The following IGSF21 variants were observed in gnomAD, a reference collection of about 807,000 sequenced individuals.
The protein encoded by IGSF21 is immunoglobin superfamily member 21.
A neutral mutation model predicts 46.8 loss-of-function variants in IGSF21; 28 were observed. That is an observed-to-expected ratio of 0.60 (90% CI 0.44 to 0.82). IGSF21 has a LOEUF of 0.82. Ranked by LOEUF, IGSF21 falls within the 40% of genes least tolerant of loss-of-function variation. The pLI, the probability that IGSF21 is intolerant of heterozygous loss-of-function variation, is 0.00. For missense variants in IGSF21, 624 were observed against 665.5 expected (o/e 0.94, Z 0.69); for synonymous variants, 284 against 273.6 (o/e 1.04, Z -0.38).
chr1:18,336,104 A>G (rs1449058690), intron 4 of IGSF21, among the ~76,000 whole-genome samples: 1 of 152,226 alleles, frequency 6.6e-6, no homozygotes, highest in Non-Finnish European at 1.5e-5. Context: ...TCATTTATGC[A>G]TCACAATGTA....
chr1:18,332,837 G>T (rs1164937112), intron 3 of IGSF21, among the ~76,000 whole-genome samples: 1 of 152,202 alleles, frequency 6.6e-6, no homozygotes, highest in Non-Finnish European at 1.5e-5. Flanking sequence ...TGGTGGGAGG[G>T]ATGGGCTGGC....
rs561264021 is a variant in IGSF21, at chr1:18,135,508, G to A, written c.70+27310G>A. On this transcript the variant is annotated intron_variant, in intron 1 of 9. Coordinates refer to ENST00000251296, the MANE Select transcript of IGSF21 (RefSeq NM_032880.5). ...TTCCCACCTATGAGTGAGAACATGC[G>A]GTGTTTGGTTTTTTGTCCTTGCGAT... is the stretch of plus-strand genomic sequence containing the variant. Among the ~76,000 whole-genome samples, 145 of 150,798 alleles carry A rather than the reference G, an allele frequency of 9.6e-4. 1 individual carries two copies. Among genetic ancestry groups the A allele is most frequent in the Admixed American group, 1.2e-3 (18 of 15,022 alleles).
Position 18,334,798 on chromosome 1 carries a change from G to A in IGSF21, c.306-94G>A. On this transcript the variant is annotated intron_variant, in intron 3 of 9. Transcript: ENST00000251296. The surrounding 1 kb of genome is among the most constrained non-coding windows in gnomAD (Gnocchi z 4.3). ...CACAGGCCTGTGTTTGTTAGTGGAGGCTGCACCAGTGGGCATCAGGATGAG... is the reference window on the plus strand; with the variant it reads ...CACAGGCCTGTGTTTGTTAGTGGAGACTGCACCAGTGGGCATCAGGATGAG... The A allele has an allele frequency of 1.2e-6, 1 of 862,244 alleles. No individual in the cohort carries two copies. Among genetic ancestry groups the A allele is most frequent in the Non-Finnish European group, 2.0e-6 (1 of 511,120 alleles). The allele number at this position is 862,244 out of a possible 1,614,324, so 53.4% of individuals were successfully genotyped here. A position where few individuals can be genotyped will look rare whatever the true frequency, so the allele number is the denominator to read the frequency against.
intron 2 of IGSF21, among the ~76,000 whole-genome samples, chr1:18,263,429 T>C (rs1475450894): frequency 7.2e-6 from 1 of 139,212 alleles, no homozygotes; most frequent in Non-Finnish European, 1.5e-5. Context: ...GTGTAACGGG[T>C]CCAGTTTTGA....
intron 1 of IGSF21, among the ~76,000 whole-genome samples, chr1:18,198,161 T>G (rs1330670906): frequency 6.6e-6 from 1 of 152,208 alleles, no homozygotes; most frequent in Non-Finnish European, 1.5e-5. Context: ...ATGTACACAG[T>G]ATAATCTGTC....
intron 1 of IGSF21, among the ~76,000 whole-genome samples, chr1:18,152,358 T>G (rs888712615): frequency 2.6e-5 from 4 of 152,240 alleles, no homozygotes; most frequent in Non-Finnish European, 5.9e-5. Context: ...TGGAGACACC[T>G]GTCCCAGGAT....
chr1:18,136,402 T>C (rs901296969), intron 1 of IGSF21, among the ~76,000 whole-genome samples: 15 of 152,252 alleles, frequency 9.9e-5, no homozygotes, highest in African/African-American at 3.4e-4. Context: ...GTCTGACATG[T>C]AAGTCTTTAA....
At chr1:18,273,505 TTTC>T (rs2085070952) in intron 2 of IGSF21, among the ~76,000 whole-genome samples, 1 of 100,272 alleles carries the variant, frequency 1.0e-5, no homozygotes, top group African/African-American at 4.2e-5. Flanking sequence ...TCTTTCTTTC[TTTC>T]TTTCTTTCTT....
At chr1:18,152,033 A>C (rs1557559365) in intron 1 of IGSF21, among the ~76,000 whole-genome samples, 1 of 152,156 alleles carries the variant, frequency 6.6e-6, no homozygotes, top group Non-Finnish European at 1.5e-5. Context: ...ATCACTGCCT[A>C]GGAGTGGACT....
intron 2 of IGSF21, among the ~76,000 whole-genome samples, chr1:18,250,614 C>A (rs1167199034): frequency 6.6e-6 from 1 of 152,074 alleles, no homozygotes. Context: ...AGAGGATCGC[C>A]AGGTAGTTAA....
At chr1:18,329,469 C>T (rs1416664264) in intron 3 of IGSF21, among the ~76,000 whole-genome samples, 1 of 152,190 alleles carries the variant, frequency 6.6e-6, no homozygotes, top group South Asian at 2.1e-4. Context: ...TTTCCACTAA[C>T]CTCATTCATA....
At chr1:18,239,276 A>T (rs2084702510) in intron 2 of IGSF21, among the ~76,000 whole-genome samples, 2 of 152,042 alleles carry the variant, frequency 1.3e-5, no homozygotes, top group African/African-American at 2.4e-5. Context: ...GACTGAAATG[A>T]GGGATGTTTC....
chr1:18,361,949 G>A, intron 4 of IGSF21, 166 bp from the exon 5 acceptor site: 1 of 594,254 alleles, frequency 1.7e-6, no homozygotes, highest in Non-Finnish European at 3.0e-6. Flanking sequence ...GCAAGGACGT[G>A]TTCCTCACTG....
intron 1 of IGSF21, among the ~76,000 whole-genome samples, chr1:18,221,215 G>A (rs2124500239): frequency 6.6e-6 from 1 of 152,270 alleles, no homozygotes. Context: ...GAATTAGCCA[G>A]GGCCATCCAT....
intron 3 of IGSF21, among the ~76,000 whole-genome samples, chr1:18,307,575 G>T (rs1376841123): frequency 6.6e-6 from 1 of 152,192 alleles, no homozygotes; most frequent in African/African-American, 2.4e-5. Context: ...CCCGCCTGCT[G>T]GGTGAAAACT....
intron 1 of IGSF21, among the ~76,000 whole-genome samples, chr1:18,119,955 G>A (rs952642528): frequency 6.6e-6 from 1 of 152,166 alleles, no homozygotes; most frequent in African/African-American, 2.4e-5. Flanking sequence ...GCCAATCTGT[G>A]AAGGTGGTGG....
At chr1:18,329,707 A>G (rs1295679127) in intron 3 of IGSF21, among the ~76,000 whole-genome samples, 1 of 152,178 alleles carries the variant, frequency 6.6e-6, no homozygotes, top group East Asian at 1.9e-4. Flanking sequence ...GCTTAACATT[A>G]TAGGCACAAG....
intron 4 of IGSF21, among the ~76,000 whole-genome samples, chr1:18,355,106 G>A (rs544981229): frequency 6.6e-6 from 1 of 152,312 alleles, no homozygotes; most frequent in Admixed American, 6.5e-5. Flanking sequence ...CTAGAACCTT[G>A]GTCTGACTCT....
intron 1 of IGSF21, among the ~76,000 whole-genome samples, chr1:18,155,638 A>G (rs569893455): frequency 1.6e-4 from 25 of 152,356 alleles, no homozygotes; most frequent in African/African-American, 4.8e-4. Context: ...CAGCCCCTCA[A>G]CCAAGTCATA....
Sources: allele counts gnomAD v4.1 joint callset (sites outside exome capture counted in the v4.1 genomes callset), GRCh38; gene constraint gnomAD v4.1.1; non-coding constraint Gnocchi (gnomAD v3.1); transcripts MANE v1.5; gene names NCBI Gene and HGNC (gene_info 2026-07-23, HGNC 2026-07-21).